PARP12: variants seen among roughly 807,000 people sequenced by gnomAD.
PARP12 encodes poly(ADP-ribose) polymerase family member 12.
In PARP12, 59 loss-of-function variants were observed where a neutral mutation model predicts 72.4. The ratio of observed to expected loss-of-function variants is 0.81; its 90% CI spans 0.66 to 1.01. PARP12 has a LOEUF of 1.01. Ranked by LOEUF, PARP12 falls within the 50% of genes least tolerant of loss-of-function variation. The pLI, the probability that PARP12 is intolerant of heterozygous loss-of-function variation, is 0.00. For synonymous variants in PARP12, 403 were observed against 371.4 expected (o/e 1.09, Z -0.98); for missense variants, 851 against 914.0 (o/e 0.93, Z 0.89).
At chr7:140,059,887 T>G (rs1817369279) in intron 1 of PARP12, among the ~76,000 whole-genome samples, 1 of 152,070 alleles carries the variant, frequency 6.6e-6, no homozygotes, top group Admixed American at 6.6e-5. Context: ...CAGGGGAGCA[T>G]GCTGGATGGC....
intron 8 of PARP12, 30 bp downstream of exon 8, chr7:140,034,205 C>G (rs1816056385): frequency 6.2e-7 from 1 of 1,605,278 alleles, no homozygotes; most frequent in Admixed American, 1.7e-5. Context: ...TGATTACATC[C>G]TAAGTACCAA....
In PARP12 at chr7:140,024,315, T is replaced by C; in HGVS notation, c.*245A>G. ...GTCAACAAAGAGTAAAAACTAAAACTTCAACACATTATTAAAAAGCAAAAC... is the reference window on the plus strand; with the variant it reads ...GTCAACAAAGAGTAAAAACTAAAACCTCAACACATTATTAAAAAGCAAAAC... On this transcript the variant is annotated 3_prime_UTR_variant, in exon 12 of 12. Coordinates refer to ENST00000263549, the MANE Select transcript of PARP12 (RefSeq NM_022750.4). 1 of 519,128 alleles carries C rather than the reference T, an allele frequency of 1.9e-6. No homozygotes were observed. The highest frequency in any genetic ancestry group is 3.2e-5 in the Admixed American group (1 of 31,330). The allele number at this position is 519,128 out of a possible 1,614,324, so 32.2% of individuals were successfully genotyped here. A position where few individuals can be genotyped will look rare whatever the true frequency, so the allele number is the denominator to read the frequency against.
At chr7:140,046,746 GT>G in intron 5 of PARP12, 137 bp downstream of exon 5, 1 of 862,570 alleles carries the variant, frequency 1.2e-6, no homozygotes, top group Non-Finnish European at 1.8e-6. Flanking sequence ...GTGTGTGTGT[GT>G]GTGTGTGTGT....
intron 11 of PARP12, 115 bp downstream of exon 11, chr7:140,026,082 G>T (rs181728784): frequency 6.9e-7 from 1 of 1,456,972 alleles, no homozygotes; most frequent in Non-Finnish European, 9.5e-7. Context: ...CACCACACAT[G>T]GAGTCTGAAC....
In PARP12 at chr7:140,024,362, C is replaced by T. The variant is rs10236761; in HGVS notation, c.*198G>A. On this transcript the variant is annotated 3_prime_UTR_variant, in exon 12 of 12. Coordinates refer to ENST00000263549, the MANE Select transcript of PARP12 (RefSeq NM_022750.4). ...AAACTGGACTCAACTACAATCACTT[C>T]TGGTTAATCCACTAGTGAACCCAAA... The T allele has an allele frequency of 3.6e-4, 234 of 652,256 alleles. 1 individual carries two copies. The African/African-American group carries it at 3.9e-3, about 11-fold the overall frequency. 40.4% of individuals were successfully genotyped at this position (652,256 alleles called of 1,614,324 possible).
chr7:140,056,867 TG>T lies in PARP12; in HGVS notation c.748del (p.Gln250ArgfsTer78), dbSNP rs765047295. ...CCCACCAGCCTTACCAGAAGTCCCC[TG>T]TGGGACAAAAAGAGGAGGCACTCTG... is the stretch of plus-strand genomic sequence containing the variant. ...PSRVPPLFVPQGTSERKDSSG... is the reference protein window; with the variant it reads ...PSRVPPLFVPXGTSERKDSSG... On this transcript the variant is annotated frameshift_variant, in exon 3 of 12. Transcript: ENST00000263549. LOFTEE classifies it high-confidence loss of function. The T allele has an allele frequency of 6.2e-7, 1 of 1,606,990 alleles. No individual in the cohort carries two copies. The highest frequency in any genetic ancestry group is 8.5e-7 in the Non-Finnish European group (1 of 1,176,882).
chr7:140,044,329 T>G (rs1377703231), intron 5 of PARP12, among the ~76,000 whole-genome samples: 1 of 152,218 alleles, frequency 6.6e-6, no homozygotes, highest in African/African-American at 2.4e-5. Flanking sequence ...GAGGTCATAT[T>G]GGATTCGGGT....
Position 140,062,566 on chromosome 7 carries a change from G to C in PARP12, c.282C>G (p.Leu94=), listed in dbSNP as rs755944754. ...AGGCGCCGTAGACCATGAACCTGCA[G>C]AGGTGGAGCTGCGCGCAGAGCCCCA... ...GCVGLCAQLH[L]CRFMVYGACK... The change falls in exon 1 of 12, where the codon CTC becomes CTG. Residue 94 remains leucine, a synonymous_variant. Transcript: ENST00000263549. 6.4e-7 allele frequency: 1 copy of C among 1,554,256 alleles called. No homozygotes were observed.
chr7:140,047,421 C>T (rs1191047932), intron 4 of PARP12, among the ~76,000 whole-genome samples: 2 of 152,142 alleles, frequency 1.3e-5, no homozygotes, highest in African/African-American at 2.4e-5. Context: ...CCCTGCAGCA[C>T]CTCAGGACTC....
At position 140,046,832 on chromosome 7, in the gene PARP12, G is replaced by C. The variant is rs57397446; in HGVS notation, c.986+52C>G. 4.3e-4 allele frequency: 474 copies of C among 1,095,792 alleles called. 26 individuals carry two copies. Among genetic ancestry groups the C allele is most frequent in the East Asian group, 3.8e-3 (66 of 17,548 alleles). 67.9% of individuals were successfully genotyped at this position (1,095,792 alleles called of 1,614,324 possible). ...TGTGTGTGTGTGTGTGTGTGTGTGT[G>C]TCACACACAGAAGCCCAGGCACAAA... On this transcript the variant is annotated intron_variant, in intron 5 of 11. Transcript: ENST00000263549.
chr7:140,047,111 T>A (rs2116614878), intron 4 of PARP12, 104 bp from the exon 5 acceptor site: 1 of 1,321,112 alleles, frequency 7.6e-7, no homozygotes, highest in East Asian at 2.7e-5. Flanking sequence ...CTGGGAACAT[T>A]CTGAAATGTG....
At chr7:140,059,910 T>A (rs1817370710) in intron 1 of PARP12, among the ~76,000 whole-genome samples, 1 of 151,854 alleles carries the variant, frequency 6.6e-6, no homozygotes, top group Admixed American at 6.6e-5. Flanking sequence ...AAAGCCTGAG[T>A]GGAATACTTA....
intron 4 of PARP12, 22 bp from the exon 5 acceptor site, chr7:140,047,029 G>C (rs765809523): frequency 6.2e-7 from 1 of 1,602,124 alleles, no homozygotes; most frequent in South Asian, 1.1e-5. Flanking sequence ...ACATAAAGGA[G>C]TAAGATAGCT....
chr7:140,034,601 C>G (rs1428869907), intron 7 of PARP12: 2 of 241,644 alleles, frequency 8.3e-6, no homozygotes, highest in Admixed American at 1.1e-4. Context: ...TTGTTCCTTC[C>G]AATCTTGTTT....
At chr7:140,046,532 G>T (rs997330020) in intron 5 of PARP12, among the ~76,000 whole-genome samples, 4 of 152,228 alleles carry the variant, frequency 2.6e-5, no homozygotes, top group African/African-American at 9.6e-5. Flanking sequence ...AATGAGTATA[G>T]ATGTACATGA....
Position 140,024,828 on chromosome 7 carries a change from T to C in PARP12, c.1838A>G (p.Gln613Arg). Residue 613 changes from glutamine (Q) to arginine (R), a missense_variant, in exon 12 of 12, where the codon CAG becomes CGG. Physicochemically the swap from Gln to Arg is conservative, Grantham distance 43. Coordinates refer to ENST00000263549, the MANE Select transcript of PARP12 (RefSeq NM_022750.4). ...CCGGGCCAGGAACATCGTGTGGGTC[T>C]GCGTGTCGGATTTGCTGTAGTGGTG... Reference protein sequence around the residue: ...YSHHYSKSDTQTHTMFLARVL... With the variant: ...YSHHYSKSDTRTHTMFLARVL... 1 of 1,614,102 alleles carries C rather than the reference T, an allele frequency of 6.2e-7. No homozygotes were observed. Among genetic ancestry groups the C allele is most frequent in the African/African-American group, 1.3e-5 (1 of 75,044 alleles).
At chr7:140,056,743 C>T in intron 3 of PARP12, 113 bp downstream of exon 3, 1 of 1,142,426 alleles carries the variant, frequency 8.8e-7, no homozygotes, top group Non-Finnish European at 1.2e-6. Context: ...AAAAGCAGCA[C>T]CAGACTTGCC....
chr7:140,027,410 C>A lies in PARP12; in HGVS notation c.1498-4G>T, dbSNP rs1391692861. The A allele has an allele frequency of 6.2e-7, 1 of 1,613,522 alleles. No individual in the cohort carries two copies. The highest frequency in any genetic ancestry group is 1.7e-5 in the Admixed American group (1 of 59,994). ...AGGAAGAACTAAGGGTGATCTTCTG[C>A]AAGGGGCAAATGTTTTTAATGCATT... On this transcript the variant is annotated splice_polypyrimidine_tract_variant and splice_region_variant and intron_variant, in intron 9 of 11. Transcript: ENST00000263549.
chr7:140,037,948 C>A, intron 6 of PARP12, 92 bp from the exon 7 acceptor site: 3 of 1,524,966 alleles, frequency 2.0e-6, no homozygotes, highest in Non-Finnish European at 2.6e-6. Context: ...CAGAGGTGCT[C>A]CTGGTGGACA....
Sources: allele counts gnomAD v4.1 joint callset (sites outside exome capture counted in the v4.1 genomes callset), GRCh38; gene constraint gnomAD v4.1.1; transcripts MANE v1.5; gene names NCBI Gene and HGNC (gene_info 2026-07-23, HGNC 2026-07-21).